The following MGRN1 variants were observed in gnomAD, a reference collection of about 807,000 sequenced individuals.
The protein encoded by MGRN1 is mahogunin ring finger 1.
In MGRN1, 29 loss-of-function variants were observed where a neutral mutation model predicts 69.2. The observed-to-expected ratio is 0.42, with a 90% confidence interval of 0.31 to 0.57. The LOEUF is 0.57. Ranked by LOEUF, MGRN1 falls within the 20% of genes least tolerant of loss-of-function variation. MGRN1 has a pLI of 0.15. For synonymous variants in MGRN1, 470 were observed against 344.2 expected, an observed-to-expected ratio of 1.37 and a Z score of -4.04; for missense variants, 998 against 796.2, an observed-to-expected ratio of 1.25 and a Z score of -3.05.
chr16:4,632,004 T>G (rs1304442994), intron 1 of MGRN1, among the ~76,000 whole-genome samples: 3 of 147,870 alleles, frequency 2.0e-5, no homozygotes, highest in African/African-American at 7.7e-5. Flanking sequence ...GATAAAAAAT[T>G]TCCTTTTTTT....
chr16:4,688,482 AG>A (rs1229616298), intron 16 of MGRN1: 1 of 1,143,714 alleles, frequency 8.7e-7, no homozygotes, highest in Admixed American at 4.5e-5. Flanking sequence ...AACCGGAACC[AG>A]GGCAAGGGCA....
Position 4,688,909 on chromosome 16 carries a change from G to A in MGRN1, c.*1G>A, listed in dbSNP as rs2079398289. The A allele has an allele frequency of 2.0e-6, 3 of 1,537,658 alleles. No individual in the cohort carries two copies. Among genetic ancestry groups the A allele is most frequent in the Non-Finnish European group, 2.6e-6 (3 of 1,137,094 alleles). On this transcript the variant is annotated 3_prime_UTR_variant, in exon 17 of 17. Coordinates refer to ENST00000262370, the MANE Select transcript of MGRN1 (RefSeq NM_015246.4). ...CGCCGCCGAGCTGACCCCACTCTGA[G>A]AGCCTGGCCGAGCTGGCAGCATGGA...
chr16:4,663,189 G>A (rs1474090271), intron 5 of MGRN1, among the ~76,000 whole-genome samples: 9 of 151,972 alleles, frequency 5.9e-5, no homozygotes, highest in African/African-American at 9.7e-5. Context: ...TCAGCCTCCC[G>A]AGTAGCTGGG....
At chr16:4,684,855 G>T (rs949351861) in intron 16 of MGRN1, among the ~76,000 whole-genome samples, 1 of 152,218 alleles carries the variant, frequency 6.6e-6, no homozygotes, top group South Asian at 2.1e-4. Flanking sequence ...CTCTTCCCTC[G>T]CGGCTGCCAG....
At chr16:4,679,389 G>C (rs929502367) in intron 11 of MGRN1, among the ~76,000 whole-genome samples, 3 of 152,168 alleles carry the variant, frequency 2.0e-5, no homozygotes, top group Admixed American at 2.0e-4. Context: ...ACATGCCCCA[G>C]AAGGGCTGGC....
intron 16 of MGRN1, chr16:4,686,130 G>A: frequency 9.0e-7 from 1 of 1,109,144 alleles, no homozygotes; most frequent in Non-Finnish European, 1.3e-6. Flanking sequence ...GTTCTCTGTG[G>A]TTGCAGCAGA....
At chr16:4,654,284 G>A (rs1290372358) in intron 4 of MGRN1, among the ~76,000 whole-genome samples, 1 of 152,204 alleles carries the variant, frequency 6.6e-6, no homozygotes, top group Non-Finnish European at 1.5e-5. Context: ...TAGCACCCCT[G>A]TTGCTGAGGA....
chr16:4,629,853 C>G (rs182361920), intron 1 of MGRN1, among the ~76,000 whole-genome samples: 111 of 152,008 alleles, frequency 7.3e-4, no homozygotes, highest in African/African-American at 2.5e-3. Context: ...CGAGACCAGC[C>G]TGGCCAACAA....
intron 1 of MGRN1, among the ~76,000 whole-genome samples, chr16:4,636,688 T>C (rs192468553): frequency 1.3e-5 from 2 of 152,152 alleles, no homozygotes; most frequent in Non-Finnish European, 2.9e-5. Flanking sequence ...TATTTTTAAT[T>C]TTTTTTCAAT....
intron 1 of MGRN1, chr16:4,633,940 A>G (rs1898145796): frequency 6.6e-6 from 1 of 152,158 alleles, no homozygotes; most frequent in Non-Finnish European, 1.5e-5. Flanking sequence ...GATGGTCTCC[A>G]TCTCCTGACC....
chr16:4,679,649 G>A (rs1404793079), intron 11 of MGRN1, among the ~76,000 whole-genome samples: 1 of 152,218 alleles, frequency 6.6e-6, no homozygotes, highest in African/African-American at 2.4e-5. Flanking sequence ...CTGGCTGGGG[G>A]ACTTTGACCA....
At chr16:4,671,602 T>G in intron 9 of MGRN1, 143 bp downstream of exon 9, 1 of 715,432 alleles carries the variant, frequency 1.4e-6, no homozygotes. Flanking sequence ...TCCTTAATTT[T>G]TTTTAAAGCT....
At chr16:4,681,817 T>G (rs1164119482) in intron 13 of MGRN1, 41 bp downstream of exon 13, 1 of 1,578,074 alleles carries the variant, frequency 6.3e-7, no homozygotes, top group Non-Finnish European at 8.6e-7. Context: ...GGGTGTGTGG[T>G]GGCGCGCGTG....
chr16:4,632,640 C>T (rs181935365), intron 1 of MGRN1, among the ~76,000 whole-genome samples: 15 of 152,124 alleles, frequency 9.9e-5, no homozygotes, highest in East Asian at 1.9e-4. Flanking sequence ...TTGATCCGCC[C>T]GTCTCGGCCT....
chr16:4,652,736 A>T lies in MGRN1; in HGVS notation c.355A>T (p.Ser119Cys). ...EDGDKPRVLY[S>C]LEFTFDADAR... ...CGGCGACAAGCCCCGGGTGCTCTACAGCCTGGAGTTCACCTTCGACGCCGA... is the reference window on the plus strand; with the variant it reads ...CGGCGACAAGCCCCGGGTGCTCTACTGCCTGGAGTTCACCTTCGACGCCGA... Residue 119 changes from serine (S) to cysteine (C), a missense_variant, in exon 4 of 17, where the codon AGC becomes TGC. Transcript: ENST00000262370. The T allele has an allele frequency of 6.2e-7, 1 of 1,613,198 alleles. No individual in the cohort carries two copies. The highest frequency in any genetic ancestry group is 8.5e-7 in the Non-Finnish European group (1 of 1,179,620).
In MGRN1 at chr16:4,671,322, C is replaced by G. The variant is rs183369101; in HGVS notation, c.727-69C>G. The G allele has an allele frequency of 4.3e-5, 65 of 1,496,144 alleles. 1 individual carries two copies. The East Asian group carries it at 1.4e-3, about 32-fold the overall frequency. The allele number at this position is 1,496,144 out of a possible 1,614,324, so 92.7% of individuals were successfully genotyped here. On this transcript the variant is annotated intron_variant, in intron 8 of 16. Coordinates refer to ENST00000262370, the MANE Select transcript of MGRN1 (RefSeq NM_015246.4). ...TGGTAAGTTGGAGGCAGGGCTAGGC[C>G]AGGTGGGTATGGAGGAGCCCTCATA...
chr16:4,684,045 G>C (rs2079250970), intron 16 of MGRN1, 113 bp downstream of exon 16: 5 of 949,078 alleles, frequency 5.3e-6, no homozygotes, highest in Non-Finnish European at 7.9e-6. Flanking sequence ...ATTGGAGCCT[G>C]GTTCTCTCCC....
At chr16:4,688,260 G>A (rs750825742) in intron 16 of MGRN1, 52 of 985,732 alleles carry the variant, frequency 5.3e-5, no homozygotes, top group East Asian at 3.4e-4. Context: ...TGGGGACAGC[G>A]CCCGGCGGCG....
intron 13 of MGRN1, among the ~76,000 whole-genome samples, chr16:4,682,342 C>G (rs2079204881): frequency 6.6e-6 from 1 of 152,246 alleles, no homozygotes; most frequent in Non-Finnish European, 1.5e-5. Context: ...ATTCGTGGTT[C>G]CCCTGGAGCC....
Sources: gnomAD v4.1 joint callset for allele counts (sites outside exome capture counted in the v4.1 genomes callset) on GRCh38, gnomAD v4.1.1 for gene constraint, MANE v1.5 for transcripts, NCBI Gene and HGNC (gene_info 2026-07-23, HGNC 2026-07-21) for gene names.